The following PTK2B variants were observed in gnomAD, a reference collection of about 807,000 sequenced individuals.
PTK2B encodes protein-tyrosine kinase 2-beta.
In PTK2B, 71 loss-of-function variants were observed where a neutral mutation model predicts 142.9. The ratio of observed to expected loss-of-function variants is 0.50; its 90% CI spans 0.41 to 0.61. The LOEUF (loss-of-function observed/expected upper bound fraction) is 0.61. PTK2B is among the 20% of genes least tolerant of loss of function. The pLI is 0.00. For synonymous variants in PTK2B, 519 were observed against 503.4 expected, an observed-to-expected ratio of 1.03 and a Z score of -0.42; for missense variants, 1,105 against 1,320.4, an observed-to-expected ratio of 0.84 and a Z score of 2.53.
intron 9 of PTK2B, among the ~76,000 whole-genome samples, chr8:27,431,781 C>T (rs1810441390): frequency 6.6e-6 from 1 of 152,184 alleles, no homozygotes; most frequent in Non-Finnish European, 1.5e-5. Context: ...GGCATGATTC[C>T]CTTGGAAGTC....
chr8:27,352,985 A>G (rs1018435856), intron 1 of PTK2B, among the ~76,000 whole-genome samples: 6 of 152,226 alleles, frequency 3.9e-5, no homozygotes, highest in Non-Finnish European at 8.8e-5. Context: ...TTTACATAAC[A>G]AGAACAGTTA....
At chr8:27,345,745 T>G (rs143154222) in intron 1 of PTK2B, among the ~76,000 whole-genome samples, 3 of 152,264 alleles carry the variant, frequency 2.0e-5, no homozygotes, top group Non-Finnish European at 2.9e-5. Flanking sequence ...CATGGGTGAT[T>G]CCAGGCATGG....
At chr8:27,392,795 G>A (rs1304239376) in intron 1 of PTK2B, among the ~76,000 whole-genome samples, 2 of 152,122 alleles carry the variant, frequency 1.3e-5, no homozygotes, top group Non-Finnish European at 2.9e-5. Flanking sequence ...AGTTTTGGGT[G>A]CACTTGAGGA....
chr8:27,326,639 G>T (rs1803436441), intron 1 of PTK2B, among the ~76,000 whole-genome samples: 1 of 152,182 alleles, frequency 6.6e-6, no homozygotes, highest in Non-Finnish European at 1.5e-5. Flanking sequence ...GGTGGGTGCT[G>T]GGAGGCCCCT....
rs761479074 is a variant in PTK2B, at chr8:27,434,504, C to T, written c.1146-9C>T. ...GCTCACCTGGCTTCTGCTCTCTCAC[C>T]TCCTACAGAAACCTGGAGGCCCGGC... On this transcript the variant is annotated splice_polypyrimidine_tract_variant and intron_variant, in intron 12 of 30. Transcript: ENST00000346049. The T allele has an allele frequency of 5.0e-6, 8 of 1,609,258 alleles. No homozygotes were observed. Among genetic ancestry groups the T allele is most frequent in the Non-Finnish European group, 6.8e-6 (8 of 1,177,884 alleles).
At chr8:27,429,998 C>T in intron 5 of PTK2B, 95 bp from the exon 6 acceptor site, 1 of 1,116,502 alleles carries the variant, frequency 9.0e-7, no homozygotes, top group South Asian at 1.2e-5. Context: ...CCACGTATGG[C>T]AGGGGAAGGG....
chr8:27,435,025 C>T (rs990122732), intron 13 of PTK2B, among the ~76,000 whole-genome samples: 3 of 152,086 alleles, frequency 2.0e-5, no homozygotes, highest in Non-Finnish European at 2.9e-5. Flanking sequence ...GAGTAGTAAT[C>T]GCTAGTGTGT....
At chr8:27,378,208 G>A (rs2131045360) in intron 1 of PTK2B, among the ~76,000 whole-genome samples, 1 of 151,758 alleles carries the variant, frequency 6.6e-6, no homozygotes, top group Admixed American at 6.6e-5. Context: ...GTCTCTCCTT[G>A]TAGCTAACGA....
At chr8:27,431,306 G>A (rs1810404867) in intron 8 of PTK2B, 92 bp from the exon 9 acceptor site, 1 of 1,594,046 alleles carries the variant, frequency 6.3e-7, no homozygotes, top group African/African-American at 1.3e-5. Flanking sequence ...AGGAAACAGT[G>A]GCTTGTGTCT....
At chr8:27,454,438 A>T in intron 29 of PTK2B, 93 bp from the exon 30 acceptor site, 3 of 1,554,314 alleles carry the variant, frequency 1.9e-6, no homozygotes, top group Non-Finnish European at 2.7e-6. Context: ...CTCGCGGGGG[A>T]CAAGCACCAC....
intron 2 of PTK2B, among the ~76,000 whole-genome samples, chr8:27,407,687 C>A (rs1283335082): frequency 6.6e-6 from 1 of 152,186 alleles, no homozygotes. Context: ...GTCAGAGGAA[C>A]CTCTGGCCCA....
At chr8:27,332,495 A>G (rs1198679247) in intron 1 of PTK2B, among the ~76,000 whole-genome samples, 1 of 152,122 alleles carries the variant, frequency 6.6e-6, no homozygotes, top group Non-Finnish European at 1.5e-5. Flanking sequence ...TTACTTTGCT[A>G]ATTTGTAATT....
chr8:27,420,533 G>T, intron 3 of PTK2B, 124 bp from the exon 4 acceptor site: 1 of 897,336 alleles, frequency 1.1e-6, no homozygotes, highest in Non-Finnish European at 1.8e-6. Flanking sequence ...GAGTGGCCAC[G>T]AGACTCATGG....
intron 1 of PTK2B, among the ~76,000 whole-genome samples, chr8:27,337,179 C>T (rs1047464329): frequency 6.6e-6 from 1 of 151,934 alleles, no homozygotes; most frequent in African/African-American, 2.4e-5. Flanking sequence ...TTCTGTTGCC[C>T]AGGCTGGAGT....
At chr8:27,453,612 GCTCACAC>G (rs1280652921) in intron 28 of PTK2B, among the ~76,000 whole-genome samples, 1 of 152,208 alleles carries the variant, frequency 6.6e-6, no homozygotes, top group Non-Finnish European at 1.5e-5. Context: ...AGGTGCCGTG[GCTCACAC>G]CTGTAATCCC....
At position 27,326,226 on chromosome 8, in the gene PTK2B, ATGTGTGTGTGTGTGTGTG is replaced by A. The variant is rs4054914; in HGVS notation, c.-38+563_-38+580del. On this transcript the variant is annotated intron_variant, in intron 1 of 30. Coordinates refer to ENST00000346049, the MANE Select transcript of PTK2B (RefSeq NM_173176.3). ...CTGGGGCACAGGGGAGCTCGTGTGT[ATGTGTGTGTGTGTGTGTG>A]TGTGTGTGTGTGTGTGTAGTTAACA... Among the ~76,000 whole-genome samples, 4 of 146,800 alleles carry A rather than the reference ATGTGTGTGTGTGTGTGTG, an allele frequency of 2.7e-5. 1 individual carries two copies. Among genetic ancestry groups the A allele is most frequent in the Non-Finnish European group, 3.0e-5 (2 of 66,590 alleles).
intron 27 of PTK2B, chr8:27,452,822 T>G (rs1334640361): frequency 9.6e-6 from 5 of 518,190 alleles, no homozygotes; most frequent in Non-Finnish European, 1.0e-5. Flanking sequence ...TTAGGCCTGG[T>G]GTCCATCAGG....
At position 27,430,941 on chromosome 8, in the gene PTK2B, G is replaced by C; in HGVS notation, c.735G>C (p.Glu245Asp). 6.2e-7 allele frequency: 1 copy of C among 1,614,200 alleles called. No homozygotes were observed. Among genetic ancestry groups the C allele is most frequent in the Non-Finnish European group, 8.5e-7 (1 of 1,180,038 alleles). The stretch of plus-strand genomic sequence containing the variant: ...AGTACGCCTCGCTCAGGGAGGAGGA[G>C]TGCGTCATGAAGTTCTTCAACACTC... ...FQQYASLREE[E>D]CVMKFFNTLA... Residue 245 changes from glutamate to aspartate, a missense_variant, in exon 8 of 31, where the codon GAG becomes GAC. Coordinates refer to ENST00000346049, the MANE Select transcript of PTK2B (RefSeq NM_173176.3).
At chr8:27,323,626 C>A (rs1418021171), upstream of PTK2B, among the ~76,000 whole-genome samples, 4 of 152,096 alleles carry the variant, frequency 2.6e-5, no homozygotes, top group Non-Finnish European at 5.9e-5. Context: ...TGAGGCATTT[C>A]TGATGGGTTT....
Sources: gnomAD v4.1 joint callset for allele counts (sites outside exome capture counted in the v4.1 genomes callset) on GRCh38, gnomAD v4.1.1 for gene constraint, MANE v1.5 for transcripts, NCBI Gene and HGNC (gene_info 2026-07-23, HGNC 2026-07-21) for gene names.